The following EFCAB10 variants were observed in gnomAD, a reference collection of about 807,000 sequenced individuals.
The protein encoded by EFCAB10 is EF-hand calcium binding domain 10, also known as EF-hand calcium-binding domain-containing protein 10.
Under a neutral mutation model 7.7 loss-of-function variants are expected in EFCAB10, and 7 were observed. The observed-to-expected ratio is 0.91, with a 90% CI of 0.52 to 1.72. The LOEUF is 1.72. Among genes scored for constraint, EFCAB10 ranks in the 40% most tolerant of loss-of-function variants. EFCAB10 has a pLI of 0.00. For missense variants in EFCAB10, 112 were observed against 61.5 expected (o/e 1.82, Z -2.74); for synonymous variants, 52 against 21.0 (o/e 2.47, Z -4.03).
intron 1 of EFCAB10, chr7:105,571,182 A>G (rs1441732691): frequency 6.6e-6 from 1 of 152,214 alleles, no homozygotes; most frequent in Non-Finnish European, 1.5e-5. Flanking sequence ...TGAGGAACAA[A>G]GTTAATCTTG....
intron 1 of EFCAB10, among the ~76,000 whole-genome samples, chr7:105,581,074 G>A (rs763872279): frequency 2.6e-5 from 4 of 152,182 alleles, no homozygotes; most frequent in Admixed American, 6.5e-5. Flanking sequence ...ACAAAAATTA[G>A]CCATGCATGG....
chr7:105,569,157 A>G, intron 3 of EFCAB10, 46 bp downstream of exon 3: 1 of 697,306 alleles, frequency 1.4e-6, no homozygotes, highest in Non-Finnish European at 2.6e-6. Context: ...GTGCTTCAAA[A>G]TCATGCCACC....
chr7:105,581,190 T>C (rs1792225422), intron 1 of EFCAB10, among the ~76,000 whole-genome samples, 168 bp downstream of exon 1: 1 of 152,080 alleles, frequency 6.6e-6, no homozygotes, highest in African/African-American at 2.4e-5. Context: ...GATCACGCCA[T>C]TGTACTGCAG....
rs1381007404 is a variant in EFCAB10, at chr7:105,569,505, G to T, written c.173C>A (p.Ala58Glu). 1.4e-6 allele frequency: 1 copy of T among 702,752 alleles called. No homozygotes were observed. The highest frequency in any genetic ancestry group is 2.6e-6 in the Non-Finnish European group (1 of 384,962). The allele number at this position is 702,752 out of a possible 1,614,324, so 43.5% of individuals were successfully genotyped here. A position where few individuals can be genotyped will look rare whatever the true frequency, so the allele number is the denominator to read the frequency against. ...RLRIAKVTGV[A>E]FPFFMDNSNI... is the part of the protein sequence containing the mutation. ...AGAGTTATCCATAAAGAAAGGAAAC[G>T]CCACGCCTGTTACTTTTGCAATTCT... The change falls in exon 2 of 5, where the codon GCG becomes GAG. Residue 58 changes from alanine (A) to glutamate (E), a missense_variant. Transcript: ENST00000480514.
chr7:105,581,266 G>A, intron 1 of EFCAB10, 92 bp downstream of exon 1: 1 of 661,938 alleles, frequency 1.5e-6, no homozygotes, highest in East Asian at 2.7e-5. Context: ...TGGCTGGGAG[G>A]CAGTGGAAAG....
At chr7:105,571,851 C>A (rs1299676424) in intron 1 of EFCAB10, 1 of 152,000 alleles carries the variant, frequency 6.6e-6, no homozygotes, top group African/African-American at 2.4e-5. Context: ...CTTTAAAGGG[C>A]ACCCATTTTT....
intron 1 of EFCAB10, among the ~76,000 whole-genome samples, chr7:105,570,247 A>AAT (rs1791910414): frequency 4.1e-5 from 3 of 72,898 alleles, no homozygotes; most frequent in African/African-American, 6.7e-5. Flanking sequence ...AAAAATATAT[A>AAT]TATATATATA....
intron 1 of EFCAB10, among the ~76,000 whole-genome samples, chr7:105,576,687 G>A (rs778887159): frequency 3.2e-4 from 49 of 151,994 alleles, no homozygotes; most frequent in Non-Finnish European, 5.9e-4. Context: ...CTCGTGATCC[G>A]CCTGCCTTGG....
At chr7:105,576,547 A>G (rs537757218) in intron 1 of EFCAB10, among the ~76,000 whole-genome samples, 9 of 152,272 alleles carry the variant, frequency 5.9e-5, no homozygotes, top group African/African-American at 2.2e-4. Context: ...GGCTCACACC[A>G]TTCTTCTGCC....
Position 105,567,279 on chromosome 7 carries a change from T to A in EFCAB10, c.383+188A>T. Reference sequence around the variant, plus strand: ...ACAAGATGTTGAGATTCTACTTAATTTGAGGACAAATTGGCCTAATACTGG... The same window carrying A: ...ACAAGATGTTGAGATTCTACTTAATATGAGGACAAATTGGCCTAATACTGG... On this transcript the variant is annotated intron_variant, in intron 4 of 4. Coordinates refer to ENST00000480514, the MANE Select transcript of EFCAB10 (RefSeq NM_001355526.2). 1 of 1,608,018 alleles carries A rather than the reference T, an allele frequency of 6.2e-7. No individual in the cohort carries two copies. The highest frequency in any genetic ancestry group is 8.5e-7 in the Non-Finnish European group (1 of 1,178,310).
chr7:105,567,616 C>A, intron 3 of EFCAB10, 126 bp from the exon 4 acceptor site: 1 of 557,296 alleles, frequency 1.8e-6, no homozygotes, highest in Non-Finnish European at 3.2e-6. Context: ...ATTTCCTGTG[C>A]TAATTAAGGG....
At chr7:105,580,479 T>A (rs895889881) in intron 1 of EFCAB10, among the ~76,000 whole-genome samples, 2 of 152,104 alleles carry the variant, frequency 1.3e-5, no homozygotes, top group Non-Finnish European at 2.9e-5. Flanking sequence ...GCCTATTTTT[T>A]ATTTTTATTT....
rs1483766595 is a variant in EFCAB10 at position 105,581,391 on chromosome 7, A to G, written c.73T>C (p.Tyr25His). 1.4e-6 allele frequency: 1 copy of G among 702,992 alleles called. No homozygotes were observed. Among genetic ancestry groups the G allele is most frequent in the South Asian group, 1.5e-5 (1 of 67,594 alleles). The allele number at this position is 702,992 out of a possible 1,614,324, so 43.5% of individuals were successfully genotyped here. ...EKHQIKEVVS[Y>H]LTSALLFFRP... ...AAGAAAAGGAGGGCGCTGGTGAGGT[A>G]GCTAACCACCTCCTTGATCTGATGC... is the stretch of plus-strand genomic sequence containing the variant. The change falls in exon 1 of 5, where the codon TAC (tyrosine) becomes CAC (histidine). Residue 25 changes from tyrosine to histidine, a missense_variant. Physicochemically the swap from Tyr to His is moderately conservative, Grantham distance 83. Coordinates refer to ENST00000480514, the MANE Select transcript of EFCAB10 (RefSeq NM_001355526.2).
chr7:105,573,931 A>G (rs916502874), intron 1 of EFCAB10, among the ~76,000 whole-genome samples: 22 of 152,098 alleles, frequency 1.4e-4, no homozygotes, highest in African/African-American at 5.3e-4. Flanking sequence ...AATAGCTTTC[A>G]AATTCATTTT....
At chr7:105,570,211 CAAAAAAAAAA>C (rs1178986135) in intron 1 of EFCAB10, among the ~76,000 whole-genome samples, 68 of 17,292 alleles carry the variant, frequency 3.9e-3, no homozygotes, top group East Asian at 0.034. Flanking sequence ...AAGACTCTCT[CAAAAAAAAAA>C]AAAAAAAAAA....
intron 1 of EFCAB10, among the ~76,000 whole-genome samples, chr7:105,579,210 G>A (rs1792162636): frequency 6.6e-6 from 1 of 152,220 alleles, no homozygotes. Context: ...AAGCAAGAAT[G>A]AGGGATTACT....
At chr7:105,572,615 T>C (rs1400439989) in intron 1 of EFCAB10, 1 of 152,220 alleles carries the variant, frequency 6.6e-6, no homozygotes, top group African/African-American at 2.4e-5. Context: ...TCCATAATGG[T>C]TGTACTAATT....
chr7:105,574,907 C>A, intron 1 of EFCAB10, among the ~76,000 whole-genome samples: 1 of 147,164 alleles, frequency 6.8e-6, no homozygotes. Flanking sequence ...ACCAGCCTGG[C>A]CAACATGGTG....
chr7:105,567,129 GC>G (rs1791796857), intron 4 of EFCAB10: 7 of 1,566,578 alleles, frequency 4.5e-6, no homozygotes, highest in Non-Finnish European at 6.0e-6. Context: ...TATAAAAGAA[GC>G]CTGTATTGTT....
Sources: allele counts gnomAD v4.1 joint callset (sites outside exome capture counted in the v4.1 genomes callset), GRCh38; gene constraint gnomAD v4.1.1; transcripts MANE v1.5; gene names NCBI Gene and HGNC (gene_info 2026-07-23, HGNC 2026-07-21).